Variants in MTMR7 observed in about 807,000 individuals in gnomAD.
MTMR7 encodes the protein myotubularin related protein 7.
Under a neutral mutation model 81.2 loss-of-function variants are expected in MTMR7, and 76 were observed. The ratio of observed to expected loss-of-function variants is 0.94; its 90% CI spans 0.78 to 1.13. MTMR7 has a LOEUF of 1.13. Ranked by LOEUF, MTMR7 falls within the 50% of genes most tolerant of loss-of-function variation. The probability of loss-of-function intolerance (pLI) is 0.00; values close to 1 mark genes in which losing one functional copy is unlikely to be tolerated. For synonymous variants in MTMR7, 372 were observed against 289.8 expected (o/e 1.28, Z -2.88); for missense variants, 1,044 against 820.0 (o/e 1.27, Z -3.34).
At chr8:17,347,823 A>C (rs1364504540) in intron 5 of MTMR7, among the ~76,000 whole-genome samples, 2 of 146,632 alleles carry the variant, frequency 1.4e-5, no homozygotes, top group Non-Finnish European at 2.9e-5. Context: ...TGCAATTCTG[A>C]TGAAAGGGAG....
chr8:17,349,257 G>C (rs888247057), intron 4 of MTMR7, 176 bp from the exon 5 acceptor site: 2 of 624,108 alleles, frequency 3.2e-6, no homozygotes, highest in East Asian at 5.6e-5. Context: ...AAGTGCCGCT[G>C]ATTCTATGTA....
chr8:17,410,182 G>C (rs7814327), intron 1 of MTMR7, among the ~76,000 whole-genome samples: 16 of 152,152 alleles, frequency 1.1e-4, no homozygotes, highest in Non-Finnish European at 2.9e-5. Context: ...GTCAGACTAG[G>C]GGGTAGGTGT....
chr8:17,346,599 A>G (rs1262068425), intron 5 of MTMR7, among the ~76,000 whole-genome samples: 3 of 151,794 alleles, frequency 2.0e-5, no homozygotes, highest in Non-Finnish European at 2.9e-5. Context: ...GACAATACAT[A>G]TTTAATCCTG....
At chr8:17,306,060 AATCTT>A in intron 10 of MTMR7, 103 bp from the exon 11 acceptor site, 1 of 878,066 alleles carries the variant, frequency 1.1e-6, no homozygotes, top group South Asian at 1.9e-5. Context: ...TTCCTAAATA[AATCTT>A]ATCTTACAAA....
At position 17,399,924 on chromosome 8, in the gene MTMR7, T is replaced by C. The variant is rs904202308; in HGVS notation, c.24+13345A>G. 3.9e-5 allele frequency among the ~76,000 whole-genome samples: 6 copies of C among 152,074 alleles called. No homozygotes were observed. The South Asian group carries it at 1.2e-3, about 31-fold the overall frequency. On this transcript the variant is annotated intron_variant, in intron 1 of 13. Transcript: ENST00000180173. Reference sequence around the variant, plus strand: ...AAACATCCATGTATCTAAATTGTTGTGTAAATCTCTATCACCTGAGATTAA... The same window carrying C: ...AAACATCCATGTATCTAAATTGTTGCGTAAATCTCTATCACCTGAGATTAA...
Position 17,299,860 on chromosome 8 carries a change from C to G in MTMR7, c.*2G>C. The G allele has an allele frequency of 6.2e-7, 1 of 1,613,812 alleles. No homozygotes were observed. On this transcript the variant is annotated 3_prime_UTR_variant, in exon 14 of 14. Transcript: ENST00000180173. ...TTTACTTTGGAACTCCAAAGGGAAACTTCAGGCAGTGAGAAACACGGCTTC... is the reference window on the plus strand; with the variant it reads ...TTTACTTTGGAACTCCAAAGGGAAAGTTCAGGCAGTGAGAAACACGGCTTC...
At chr8:17,345,790 T>C (rs1819536320) in intron 5 of MTMR7, among the ~76,000 whole-genome samples, 1 of 152,154 alleles carries the variant, frequency 6.6e-6, no homozygotes, top group African/African-American at 2.4e-5. Context: ...CCTAATCTGA[T>C]CACCAGTTCC....
At chr8:17,348,432 C>G (rs1412256280) in intron 5 of MTMR7, among the ~76,000 whole-genome samples, 1 of 151,596 alleles carries the variant, frequency 6.6e-6, no homozygotes, top group East Asian at 1.9e-4. Context: ...TGCCTGTAAT[C>G]CCAGCTACAA....
chr8:17,344,861 C>G (rs1199697517), intron 5 of MTMR7, among the ~76,000 whole-genome samples: 1 of 152,070 alleles, frequency 6.6e-6, no homozygotes, highest in Non-Finnish European at 1.5e-5. Flanking sequence ...TGTATTTTTC[C>G]TAAGGAAAGT....
At chr8:17,376,694 C>G (rs1820600401) in intron 1 of MTMR7, among the ~76,000 whole-genome samples, 1 of 152,120 alleles carries the variant, frequency 6.6e-6, no homozygotes, top group African/African-American at 2.4e-5. Flanking sequence ...TATTGAGCAT[C>G]TCTTTATGTG....
intron 3 of MTMR7, among the ~76,000 whole-genome samples, chr8:17,365,456 A>G (rs1250049165): frequency 6.6e-6 from 1 of 152,178 alleles, no homozygotes; most frequent in Non-Finnish European, 1.5e-5. Flanking sequence ...GGAAGGTCAT[A>G]TCCCTCACCT....
At chr8:17,320,933 C>T (rs1191058837) in intron 7 of MTMR7, among the ~76,000 whole-genome samples, 1 of 152,234 alleles carries the variant, frequency 6.6e-6, no homozygotes, top group East Asian at 1.9e-4. Flanking sequence ...ACACATTCCA[C>T]TGCGTGAAGT....
At chr8:17,369,579 G>A (rs111632942) in intron 3 of MTMR7, among the ~76,000 whole-genome samples, 31 of 150,472 alleles carry the variant, frequency 2.1e-4, no homozygotes, top group African/African-American at 7.3e-4. Flanking sequence ...CTATATAAAT[G>A]ATCTCTTTTC....
intron 7 of MTMR7, among the ~76,000 whole-genome samples, chr8:17,318,805 T>C (rs558539984): frequency 1.6e-4 from 25 of 152,296 alleles, no homozygotes; most frequent in Admixed American, 3.3e-4. Context: ...CAGGGACAGC[T>C]GACACAGGAG....
chr8:17,320,928 T>A (rs1183389704), intron 7 of MTMR7, among the ~76,000 whole-genome samples: 1 of 152,186 alleles, frequency 6.6e-6, no homozygotes, highest in Non-Finnish European at 1.5e-5. Flanking sequence ...AATACACACA[T>A]TCCACTGCGT....
intron 5 of MTMR7, among the ~76,000 whole-genome samples, chr8:17,342,424 T>G (rs1445617418): frequency 6.6e-6 from 1 of 152,168 alleles, no homozygotes; most frequent in African/African-American, 2.4e-5. Context: ...GGGGAAAGTT[T>G]CACTGCAAAT....
intron 4 of MTMR7, among the ~76,000 whole-genome samples, chr8:17,351,166 G>C (rs1456684726): frequency 6.6e-6 from 1 of 152,182 alleles, no homozygotes; most frequent in Non-Finnish European, 1.5e-5. Context: ...GAAATGAGTA[G>C]GTTTTCAGCA....
chr8:17,370,986 G>C, intron 3 of MTMR7, 51 bp downstream of exon 3: 1 of 1,573,938 alleles, frequency 6.4e-7, no homozygotes, highest in Non-Finnish European at 8.7e-7. Context: ...AATCTGATTT[G>C]CAAATTTTTA....
At chr8:17,374,316 C>T (rs1286121248) in intron 1 of MTMR7, among the ~76,000 whole-genome samples, 1 of 151,932 alleles carries the variant, frequency 6.6e-6, no homozygotes, top group Non-Finnish European at 1.5e-5. Context: ...TGAAATCCCA[C>T]GTCTCTACTA....
Sources: allele counts gnomAD v4.1 joint callset (sites outside exome capture counted in the v4.1 genomes callset), GRCh38; gene constraint gnomAD v4.1.1; transcripts MANE v1.5; gene names NCBI Gene and HGNC (gene_info 2026-07-23, HGNC 2026-07-21).